ABHD14A: variants seen among roughly 807,000 people sequenced by gnomAD.
The protein encoded by ABHD14A is abhydrolase domain containing 14A.
A neutral mutation model predicts 27.0 loss-of-function variants in ABHD14A; 19 were observed. That is an observed-to-expected ratio of 0.70 (90% CI 0.49 to 1.03). The LOEUF (loss-of-function observed/expected upper bound fraction) is 1.03. Ranked by LOEUF, ABHD14A falls within the 50% of genes least tolerant of loss-of-function variation. The pLI is 0.00. For synonymous variants in ABHD14A, 148 were observed against 158.8 expected (o/e 0.93, Z 0.51); for missense variants, 311 against 344.6 (o/e 0.90, Z 0.77).
At chr3:51,978,444 T>C in intron 3 of ABHD14A, 70 bp downstream of exon 3, 2 of 1,230,662 alleles carry the variant, frequency 1.6e-6, no homozygotes, top group South Asian at 2.7e-5. Context: ...CCCTAGGGTC[T>C]GGACAGGCCG....
At chr3:51,975,278 C>T (rs1700762069) in intron 1 of ABHD14A, 74 bp downstream of exon 1, 3 of 1,203,670 alleles carry the variant, frequency 2.5e-6, no homozygotes, top group Non-Finnish European at 3.1e-6. Context: ...CTTGCCCCGG[C>T]GCCCCGGGGC....
chr3:51,980,725 T>A, intron 4 of ABHD14A, 97 bp downstream of exon 4: 1 of 1,554,376 alleles, frequency 6.4e-7, no homozygotes, highest in South Asian at 1.2e-5. Context: ...GCCTTATCCC[T>A]GACCTTGGAT....
chr3:51,976,902 C>T (rs1700798934), intron 1 of ABHD14A, among the ~76,000 whole-genome samples: 1 of 152,140 alleles, frequency 6.6e-6, no homozygotes, highest in Admixed American at 6.5e-5. Flanking sequence ...CTGTTTGAGT[C>T]CTGGGTCCTA....
At chr3:51,977,761 G>A (rs1035756749) in intron 1 of ABHD14A, 110 bp from the exon 2 acceptor site, 1 of 1,049,556 alleles carries the variant, frequency 9.5e-7, no homozygotes, top group Non-Finnish European at 1.4e-6. Flanking sequence ...AAAGGGCAAG[G>A]GCTGGAGCTC....
intron 3 of ABHD14A, chr3:51,978,814 A>C: frequency 4.5e-6 from 1 of 220,362 alleles, no homozygotes; most frequent in Non-Finnish European, 9.8e-6. Context: ...CTGGTCCTGA[A>C]CTCCCGACCT....
In ABHD14A at chr3:51,980,860, G is replaced by A. The variant is rs758696156; in HGVS notation, c.658G>A (p.Glu220Lys). Residue 220 changes from glutamate to lysine, a missense_variant, in exon 5 of 5, where the codon GAG becomes AAG. Glu to Lys is a moderately conservative substitution (Grantham distance 56). Coordinates refer to ENST00000273596, the MANE Select transcript of ABHD14A (RefSeq NM_015407.5). ...VKTPTLILYG[E>K]LDHILARESL... is the part of the protein sequence containing the mutation. ...GACTCCAACCCTTATCCTGTATGGA[G>A]AGCTGGACCACATCCTGGCTCGAGA... 3.1e-6 allele frequency: 5 copies of A among 1,614,070 alleles called. No homozygotes were observed. Among genetic ancestry groups the A allele is most frequent in the South Asian group, 1.1e-5 (1 of 91,080 alleles).
At chr3:51,976,315 G>C (rs1486593067) in intron 1 of ABHD14A, among the ~76,000 whole-genome samples, 1 of 152,232 alleles carries the variant, frequency 6.6e-6, no homozygotes, top group African/African-American at 2.4e-5. Context: ...AAACATCCCG[G>C]AGGGATGAAT....
Position 51,980,833 on chromosome 3 carries a change from C to G in ABHD14A, c.634-3C>G. The G allele has an allele frequency of 6.2e-7, 1 of 1,608,608 alleles. No individual in the cohort carries two copies. The highest frequency in any genetic ancestry group is 8.5e-7 in the Non-Finnish European group (1 of 1,175,668). On this transcript the variant is annotated splice_polypyrimidine_tract_variant and splice_region_variant and intron_variant, in intron 4 of 4. Coordinates refer to ENST00000273596, the MANE Select transcript of ABHD14A (RefSeq NM_015407.5). ...GATCACAGCCCCCTGCCTTGCCCTG[C>G]AGACTCCAACCCTTATCCTGTATGG...
chr3:51,978,407 C>T (rs1700836975), intron 3 of ABHD14A, 33 bp downstream of exon 3: 2 of 1,524,328 alleles, frequency 1.3e-6, no homozygotes, highest in Non-Finnish European at 1.8e-6. Context: ...CTAGGGAAGC[C>T]TTAAGTGTGG....
At chr3:51,980,760 A>T (rs778175186) in intron 4 of ABHD14A, 76 bp from the exon 5 acceptor site, 1 of 1,571,190 alleles carries the variant, frequency 6.4e-7, no homozygotes, top group Non-Finnish European at 8.7e-7. Flanking sequence ...GTGTTGGGGA[A>T]GGCTTCCTAG....
intron 3 of ABHD14A, among the ~76,000 whole-genome samples, chr3:51,979,632 G>A (rs1345390561): frequency 1.3e-5 from 2 of 150,318 alleles, no homozygotes; most frequent in South Asian, 2.1e-4. Context: ...TTACAGGTGC[G>A]CCCCACCATG....
intron 3 of ABHD14A, among the ~76,000 whole-genome samples, chr3:51,979,334 G>GA (rs1700861264): frequency 6.6e-6 from 1 of 152,164 alleles, no homozygotes; most frequent in Non-Finnish European, 1.5e-5. Context: ...TACTGGCGGA[G>GA]TGCTCAAGCA....
At chr3:51,979,403 C>T (rs1285750899) in intron 3 of ABHD14A, among the ~76,000 whole-genome samples, 1 of 151,212 alleles carries the variant, frequency 6.6e-6, no homozygotes. Context: ...AATAATTTCT[C>T]TAGGGTAGCT....
intron 2 of ABHD14A, 53 bp from the exon 3 acceptor site, chr3:51,978,206 A>G: frequency 1.3e-6 from 2 of 1,532,772 alleles, no homozygotes; most frequent in Non-Finnish European, 1.8e-6. Context: ...AGGAATAAAG[A>G]AAGGTGGGCT....
chr3:51,980,010 C>T (rs1180065588), intron 3 of ABHD14A, among the ~76,000 whole-genome samples: 1 of 151,708 alleles, frequency 6.6e-6, no homozygotes, highest in Non-Finnish European at 1.5e-5. Context: ...CAGGCTCCGC[C>T]CCCCGGGGTT....
chr3:51,980,970 G>C lies in ABHD14A; in HGVS notation c.768G>C (p.Pro256=), dbSNP rs370703648. 3.1e-6 allele frequency: 5 copies of C among 1,613,998 alleles called. No homozygotes were observed. Among genetic ancestry groups the C allele is most frequent in the East Asian group, 4.5e-5 (2 of 44,876 alleles). The part of the protein sequence containing the change: ...NAGHACYLHK[P]QDFHLVLLAF... ...GCCATGCCTGTTACCTCCACAAGCC[G>C]CAAGACTTCCACCTTGTCCTGCTTG... Residue 256 remains proline (P), a synonymous_variant, in exon 5 of 5, where the codon CCG becomes CCC. Transcript: ENST00000273596.
chr3:51,979,867 A>G (rs13099450), intron 3 of ABHD14A, among the ~76,000 whole-genome samples: 38,490 of 152,100 alleles, frequency 0.25, 5,983 homozygotes, highest in Non-Finnish European at 0.34. Context: ...TCTGTCATGT[A>G]TGAAAGTGCC....
chr3:51,980,815 GC>G lies in ABHD14A; in HGVS notation c.634-16del. On this transcript the variant is annotated intron_variant, in intron 4 of 4. Coordinates refer to ENST00000273596, the MANE Select transcript of ABHD14A (RefSeq NM_015407.5). ...AAACTCATCAGGCCCCAAGATCACAGCCCCCTGCCTTGCCCTGCAGACTCCA... is the reference window on the plus strand; with the variant it reads ...AAACTCATCAGGCCCCAAGATCACAGCCCCTGCCTTGCCCTGCAGACTCCA... 5 of 1,601,126 alleles carry G rather than the reference GC, an allele frequency of 3.1e-6. No individual in the cohort carries two copies. Among genetic ancestry groups the G allele is most frequent in the Non-Finnish European group, 4.3e-6 (5 of 1,169,700 alleles).
rs41292350 is a variant in ABHD14A at position 51,978,304 on chromosome 3, G to T, written c.327G>T (p.Thr109=). The change falls in exon 3 of 5, where the codon ACG becomes ACT. Residue 109 remains threonine (T), a synonymous_variant. Coordinates refer to ENST00000273596, the MANE Select transcript of ABHD14A (RefSeq NM_015407.5). ...LLHGKAFNSH[T]WEQLGTLQLL... The stretch of plus-strand genomic sequence containing the variant: ...ATGGAAAGGCCTTTAACTCTCACAC[G>T]TGGGAGCAGCTGGGCACACTGCAGC... The T allele has an allele frequency of 6.4e-7, 1 of 1,551,842 alleles. No homozygotes were observed. The highest frequency in any genetic ancestry group is 8.7e-7 in the Non-Finnish European group (1 of 1,147,010).
Sources: gnomAD v4.1 joint callset for allele counts (sites outside exome capture counted in the v4.1 genomes callset) on GRCh38, gnomAD v4.1.1 for gene constraint, MANE v1.5 for transcripts, NCBI Gene and HGNC (gene_info 2026-07-23, HGNC 2026-07-21) for gene names.